Variants in ZNF480 observed in about 807,000 individuals in gnomAD.
ZNF480 encodes zinc finger protein 480.
ZNF480 carries 15 observed loss-of-function variants against 14.4 expected under a neutral mutation model. The observed-to-expected ratio is 1.04, with a 90% CI of 0.70 to 1.60. ZNF480 has a LOEUF of 1.60. Ranked by LOEUF, ZNF480 falls within the 40% of genes most tolerant of loss-of-function variation. ZNF480 has a pLI of 0.00. For synonymous variants in ZNF480, 218 were observed against 215.5 expected, an observed-to-expected ratio of 1.01 and a Z score of -0.10; for missense variants, 593 against 629.7, an observed-to-expected ratio of 0.94 and a Z score of 0.62.
intron 4 of ZNF480, among the ~76,000 whole-genome samples, chr19:52,318,268 G>A (rs1983650771): frequency 6.6e-6 from 1 of 151,796 alleles, no homozygotes; most frequent in Non-Finnish European, 1.5e-5. Flanking sequence ...CACCATGCCT[G>A]GCTAAATTTT....
At chr19:52,313,439 A>G (rs1055521439) in intron 2 of ZNF480, among the ~76,000 whole-genome samples, 1 of 151,232 alleles carries the variant, frequency 6.6e-6, no homozygotes, top group African/African-American at 2.4e-5. Context: ...TGCCTGGCCT[A>G]TAATTCTTTT....
intron 4 of ZNF480, among the ~76,000 whole-genome samples, chr19:52,320,988 T>G (rs62110458): frequency 0.093 from 14,207 of 152,092 alleles, 1,020 homozygotes; most frequent in African/African-American, 0.2. Flanking sequence ...AATAAATAAA[T>G]AAATAAATAT....
rs1031291125 is a variant in ZNF480, at chr19:52,324,928, A to G, written c.*2070A>G. 6.6e-6 allele frequency: 1 copy of G among 152,232 alleles called. No homozygotes were observed. The highest frequency in any genetic ancestry group is 1.5e-5 in the Non-Finnish European group (1 of 68,048). The allele number at this position is 152,232 out of a possible 1,614,324, so 9.4% of individuals were successfully genotyped here. A position where few individuals can be genotyped will look rare whatever the true frequency, so the allele number is the denominator to read the frequency against. On this transcript the variant is annotated 3_prime_UTR_variant, in exon 5 of 5. Transcript: ENST00000595962. ...ATTGCAACAAAAACAAAAATTGACA[A>G]GTGGGACCTAATTAAACTAAATAAC...
rs919430540 is a variant in ZNF480, at chr19:52,324,869, C to T, written c.*2011C>T. Reference sequence around the variant, plus strand: ...GGAAATGCCATTCTGGACATAAGTGCTGGAAAAGACTTAATGATGAACACC... The same window carrying T: ...GGAAATGCCATTCTGGACATAAGTGTTGGAAAAGACTTAATGATGAACACC... On this transcript the variant is annotated 3_prime_UTR_variant, in exon 5 of 5. Coordinates refer to ENST00000595962, the MANE Select transcript of ZNF480 (RefSeq NM_144684.4). 5.9e-5 allele frequency: 9 copies of T among 152,078 alleles called. 1 individual carries two copies. The highest frequency in any genetic ancestry group is 2.2e-4 in the African/African-American group (9 of 41,408). 9.4% of individuals were successfully genotyped at this position (152,078 alleles called of 1,614,324 possible). A position where few individuals can be genotyped will look rare whatever the true frequency, so the allele number is the denominator to read the frequency against.
chr19:52,305,957 A>G (rs1225958281), intron 2 of ZNF480, among the ~76,000 whole-genome samples: 2 of 152,016 alleles, frequency 1.3e-5, no homozygotes, highest in African/African-American at 4.8e-5. Context: ...TGGCAGCCTG[A>G]CTTGCTGGTT....
At chr19:52,301,730 T>C (rs1468088889) in intron 2 of ZNF480, 1 of 152,214 alleles carries the variant, frequency 6.6e-6, no homozygotes, top group Non-Finnish European at 1.5e-5. Flanking sequence ...ATCAATCCCA[T>C]AATGATTAAA....
At chr19:52,305,185 C>G (rs577253809) in intron 2 of ZNF480, among the ~76,000 whole-genome samples, 12 of 152,272 alleles carry the variant, frequency 7.9e-5, no homozygotes, top group Non-Finnish European at 1.6e-4. Flanking sequence ...CAATATATAA[C>G]TGCTTTGATA....
At chr19:52,297,456 C>T (rs148556109) in intron 1 of ZNF480, among the ~76,000 whole-genome samples, 286 of 151,888 alleles carry the variant, frequency 1.9e-3, no homozygotes, top group South Asian at 9.6e-3. Context: ...CACCTCCTGT[C>T]GCGGAGTTTT....
Position 52,321,618 on chromosome 19 carries a change from C to T in ZNF480, c.368C>T (p.Pro123Leu), listed in dbSNP as rs144019223. Reference protein sequence around the residue: ...YALGSNAEDKPIKKQLGVSFH... With the variant: ...YALGSNAEDKLIKKQLGVSFH... ...TTGGGAAGCAATGCAGAAGACAAACCAATTAAAAAACAACTTGGAGTATCC... is the reference window on the plus strand; with the variant it reads ...TTGGGAAGCAATGCAGAAGACAAACTAATTAAAAAACAACTTGGAGTATCC... The change falls in exon 5 of 5, where the codon CCA becomes CTA. Residue 123 changes from proline (P) to leucine (L), a missense_variant. Pro to Leu is a moderately conservative substitution (Grantham distance 98, BLOSUM62 -3). Coordinates refer to ENST00000595962, the MANE Select transcript of ZNF480 (RefSeq NM_144684.4). 225 of 1,606,968 alleles carry T rather than the reference C, an allele frequency of 1.4e-4. No individual in the cohort carries two copies. The highest frequency in any genetic ancestry group is 1.9e-4 in the Non-Finnish European group (218 of 1,175,962).
At chr19:52,316,178 TTC>T (rs200101900) in intron 4 of ZNF480, among the ~76,000 whole-genome samples, 1 of 146,490 alleles carries the variant, frequency 6.8e-6, no homozygotes, top group Non-Finnish European at 1.5e-5. Context: ...AGATCTTTCT[TTC>T]TCTCTCTCTC....
At chr19:52,311,336 A>G (rs1049404399) in intron 2 of ZNF480, among the ~76,000 whole-genome samples, 14 of 151,802 alleles carry the variant, frequency 9.2e-5, no homozygotes, top group Non-Finnish European at 1.2e-4. Flanking sequence ...AAAATATTAT[A>G]TATAATCATA....
At position 52,322,330 on chromosome 19, in the gene ZNF480, A is replaced by G; in HGVS notation, c.1080A>G (p.Arg360=). The stretch of plus-strand genomic sequence containing the variant: ...TCTATAGGATTGCGCTCCTTGTACG[A>G]CATCAGAAAATTCATACTGGAGAGA... ...KAFYRIALLV[R]HQKIHTGEKP... Residue 360 remains arginine, a synonymous_variant, in exon 5 of 5, where the codon CGA becomes CGG. Coordinates refer to ENST00000595962, the MANE Select transcript of ZNF480 (RefSeq NM_144684.4). The G allele has an allele frequency of 1.9e-6, 3 of 1,613,600 alleles. No individual in the cohort carries two copies. Among genetic ancestry groups the G allele is most frequent in the Non-Finnish European group, 2.5e-6 (3 of 1,179,888 alleles).
chr19:52,300,925 A>G (rs1199938998), intron 2 of ZNF480: 4 of 191,998 alleles, frequency 2.1e-5, no homozygotes, highest in Non-Finnish European at 4.4e-5. Context: ...CACTCATGCT[A>G]TTGTTTGTGG....
intron 2 of ZNF480, among the ~76,000 whole-genome samples, chr19:52,302,772 C>A (rs1299189081): frequency 6.6e-6 from 1 of 152,232 alleles, no homozygotes; most frequent in Non-Finnish European, 1.5e-5. Context: ...GCAAGTTGCG[C>A]ATTGCTGGAT....
intron 2 of ZNF480, among the ~76,000 whole-genome samples, chr19:52,306,514 C>T (rs1568630607): frequency 6.6e-6 from 1 of 152,270 alleles, no homozygotes; most frequent in East Asian, 1.9e-4. Context: ...ATGGAAGCTT[C>T]ATCTGCCCAC....
chr19:52,314,485 A>C (rs887212710), intron 3 of ZNF480, among the ~76,000 whole-genome samples: 5 of 150,962 alleles, frequency 3.3e-5, no homozygotes, highest in African/African-American at 1.2e-4. Context: ...AAAAAAAAAA[A>C]AAAAAAAAAA....
intron 2 of ZNF480, among the ~76,000 whole-genome samples, chr19:52,306,192 C>T (rs1033801030): frequency 3.3e-5 from 5 of 152,154 alleles, no homozygotes; most frequent in East Asian, 1.9e-4. Flanking sequence ...TTGGCATTGT[C>T]AAAAACTAAT....
chr19:52,300,312 G>A, intron 1 of ZNF480, 82 bp from the exon 2 acceptor site: 6 of 1,457,592 alleles, frequency 4.1e-6, no homozygotes, highest in South Asian at 1.2e-5. Flanking sequence ...CGCAGGGTGA[G>A]GTCTAACCTG....
At chr19:52,302,548 C>T (rs992606381) in intron 2 of ZNF480, among the ~76,000 whole-genome samples, 2 of 152,118 alleles carry the variant, frequency 1.3e-5, no homozygotes, top group Non-Finnish European at 2.9e-5. Context: ...CCCATCACTG[C>T]GAAGCATTGC....
Sources: gnomAD v4.1 joint callset for allele counts (sites outside exome capture counted in the v4.1 genomes callset) on GRCh38, gnomAD v4.1.1 for gene constraint, MANE v1.5 for transcripts, NCBI Gene and HGNC (gene_info 2026-07-23, HGNC 2026-07-21) for gene names.